Variants in CDH24 observed in about 807,000 individuals in gnomAD.
The protein encoded by CDH24 is cadherin 24.
In CDH24, 61 loss-of-function variants were observed where a neutral mutation model predicts 71.2. The observed-to-expected ratio is 0.86, with a 90% CI of 0.70 to 1.06. The LOEUF (loss-of-function observed/expected upper bound fraction) is 1.06, where lower values mean the gene tolerates loss of function less well. Among genes scored for constraint, CDH24 ranks in the 50% least tolerant of loss-of-function variants. The probability of loss-of-function intolerance (pLI) is 0.00; values close to 1 mark genes in which losing one functional copy is unlikely to be tolerated. For missense variants in CDH24, 961 were observed against 1,083.7 expected (o/e 0.89, Z 1.59); for synonymous variants, 440 against 470.2 (o/e 0.94, Z 0.83).
chr14:23,053,399 T>G, intron 7 of CDH24, 97 bp downstream of exon 7: 1 of 1,342,576 alleles, frequency 7.4e-7, no homozygotes. Context: ...TGCTGGGATA[T>G]GAGTGATTTG....
In CDH24 at chr14:23,048,372, C is replaced by A; in HGVS notation, c.1954G>T (p.Gly652Cys). The A allele has an allele frequency of 1.2e-6, 2 of 1,612,326 alleles. No individual in the cohort carries two copies. Among genetic ancestry groups the A allele is most frequent in the South Asian group, 2.2e-5 (2 of 91,072 alleles). The change falls in exon 12 of 13, where the codon GGC (glycine) becomes TGC (cysteine). Residue 652 changes from glycine to cysteine, a missense_variant. Gly to Cys is a radical substitution (Grantham distance 159). Around this residue, in one of 2 missense-constraint regions of CDH24, gnomAD observed 290 missense variants for 272.8 expected, o/e 1.06. Transcript: ENST00000487137. ...AAGGCCTCGGTGTCCTCCTCGCCGC[C>A]GCCCTCGTCGTCGTAGGTGATGATG... ...ENIITYDDEG[G>C]GEEDTEAFDI... is the part of the protein sequence containing the mutation.
chr14:23,049,481 A>G (rs1594723522), intron 10 of CDH24, 146 bp downstream of exon 10: 6 of 678,892 alleles, frequency 8.8e-6, no homozygotes, highest in South Asian at 5.6e-5. Context: ...CAAAGAGCCA[A>G]CGAATGAGTA....
At position 23,057,200 on chromosome 14, in the gene CDH24, G is replaced by A. The variant is rs1419815079; in HGVS notation, c.-125+203C>T. 6.6e-6 allele frequency among the ~76,000 whole-genome samples: 1 copy of A among 152,058 alleles called. No individual in the cohort carries two copies. Among genetic ancestry groups the A allele is most frequent in the Non-Finnish European group, 1.5e-5 (1 of 67,942 alleles). On this transcript the variant is annotated intron_variant, in intron 1 of 12. Transcript: ENST00000487137. The surrounding 1 kb of genome is among the most constrained non-coding windows in gnomAD (Gnocchi z 5.4). ...GGGATAAGGAAGGCAAACAGGCAGA[G>A]AAGGAAGGGTGAAGAGAAATCGAGA...
At position 23,049,971 on chromosome 14, in the gene CDH24, G is replaced by A. The variant is rs371296538; in HGVS notation, c.1364-28C>T. ...GAAGGCAGAACACCAAAACATACACGCCACACACACACCACACAGTTTACA... is the reference window on the plus strand; with the variant it reads ...GAAGGCAGAACACCAAAACATACACACCACACACACACCACACAGTTTACA... On this transcript the variant is annotated intron_variant, in intron 8 of 12. Transcript: ENST00000487137. 116 of 1,604,302 alleles carry A rather than the reference G, an allele frequency of 7.2e-5. No individual in the cohort carries two copies. The African/African-American group carries it at 1.3e-3, about 18-fold the overall frequency.
At chr14:23,050,059 C>T in intron 8 of CDH24, 116 bp from the exon 9 acceptor site, 6 of 1,383,064 alleles carry the variant, frequency 4.3e-6, no homozygotes, top group Non-Finnish European at 5.9e-6. Flanking sequence ...ACAAGAAACA[C>T]ATGAAATATG....
intron 7 of CDH24, among the ~76,000 whole-genome samples, chr14:23,053,064 G>A (rs2047096668): frequency 6.6e-6 from 1 of 152,190 alleles, no homozygotes; most frequent in South Asian, 2.1e-4. Context: ...GAGGGGGAAA[G>A]AGTGGCTGTT....
Position 23,047,950 on chromosome 14 carries a change from C to CG in CDH24, c.*29_*30insC. On this transcript the variant is annotated 3_prime_UTR_variant, in exon 12 of 13. Transcript: ENST00000487137. ...AGAGGGCCTGTGCCCGCTGCCCCCC[C>CG]CCCGCGGTGGGCCGGGCCAGCCCGG... 1 of 1,290,936 alleles carries CG rather than the reference C, an allele frequency of 7.7e-7. No individual in the cohort carries two copies. The allele number at this position is 1,290,936 out of a possible 1,614,324, so 80.0% of individuals were successfully genotyped here. A position where few individuals can be genotyped will look rare whatever the true frequency, so the allele number is the denominator to read the frequency against.
Position 23,054,698 on chromosome 14 carries a change from G to C in CDH24, c.617-25C>G. 1 of 1,614,002 alleles carries C rather than the reference G, an allele frequency of 6.2e-7. No individual in the cohort carries two copies. Among genetic ancestry groups the C allele is most frequent in the South Asian group, 1.1e-5 (1 of 91,072 alleles). ...CCTAGGGAGAGATGCTGGTCAGAGG[G>C]TGTCTGTCCCCTTGGCTGCCCCACC... On this transcript the variant is annotated intron_variant, in intron 4 of 12. Transcript: ENST00000487137. This position sits in a 1 kb window ranked among gnomAD's most constrained non-coding sequence, Gnocchi z 5.2.
intron 7 of CDH24, 46 bp from the exon 8 acceptor site, chr14:23,052,655 C>T (rs772207238): frequency 1.3e-6 from 2 of 1,592,594 alleles, no homozygotes; most frequent in African/African-American, 2.7e-5. Flanking sequence ...GGCGGGACCA[C>T]AGCTTGTTCC....
intron 10 of CDH24, 54 bp downstream of exon 10, chr14:23,049,573 A>T: frequency 9.3e-7 from 1 of 1,071,856 alleles, no homozygotes; most frequent in Non-Finnish European, 1.4e-6. Flanking sequence ...GGGGTGGAGG[A>T]GGAGGAGAAG....
Position 23,049,724 on chromosome 14 carries a change from G to A in CDH24, c.1500C>T (p.Ile500=). Residue 500 remains isoleucine (I), a synonymous_variant, in exon 10 of 13, where the codon ATC becomes ATT. Transcript: ENST00000487137. ...CAACTTCATCTCTGTCCAGGGCCCG[G>A]ATGACCTGAATCAGCTGGGAGGAAG... The part of the protein sequence containing the change: ...SAAPGQLIQV[I]RALDRDEVGN... The A allele has an allele frequency of 6.2e-7, 1 of 1,612,510 alleles. No individual in the cohort carries two copies. The highest frequency in any genetic ancestry group is 8.5e-7 in the Non-Finnish European group (1 of 1,178,860).
In CDH24 at chr14:23,047,920, C is replaced by G. The variant is rs897154529; in HGVS notation, c.*60G>C. On this transcript the variant is annotated 3_prime_UTR_variant, in exon 12 of 13. Transcript: ENST00000487137. ...CCGCCCGCCTGGACCCCGTGGGGCT[C>G]ACTCAGAGGGCCTGTGCCCGCTGCC... 1 of 1,236,498 alleles carries G rather than the reference C, an allele frequency of 8.1e-7. No individual in the cohort carries two copies. Among genetic ancestry groups the G allele is most frequent in the Middle Eastern group, 3.1e-4 (1 of 3,180 alleles). The allele number at this position is 1,236,498 out of a possible 1,614,324, so 76.6% of individuals were successfully genotyped here. A position where few individuals can be genotyped will look rare whatever the true frequency, so the allele number is the denominator to read the frequency against.
Position 23,047,711 on chromosome 14 carries a change from C to T in CDH24, c.*269G>A, listed in dbSNP as rs2047050765. 6.4e-6 allele frequency: 2 copies of T among 312,516 alleles called. No homozygotes were observed. Among genetic ancestry groups the T allele is most frequent in the East Asian group, 5.1e-5 (1 of 19,588 alleles). 19.4% of individuals were successfully genotyped at this position (312,516 alleles called of 1,614,324 possible). Reference sequence around the variant, plus strand: ...GGAGAGGAATCACAGTGAGAGATCGCAGGGCCAGGGCCAGGGCAGGAAACC... The same window carrying T: ...GGAGAGGAATCACAGTGAGAGATCGTAGGGCCAGGGCCAGGGCAGGAAACC... On this transcript the variant is annotated 3_prime_UTR_variant, in exon 12 of 13. Transcript: ENST00000487137.
chr14:23,048,477 G>A lies in CDH24; in HGVS notation c.1849C>T (p.Leu617=), dbSNP rs2047060137. The A allele has an allele frequency of 1.9e-6, 3 of 1,605,566 alleles. No individual in the cohort carries two copies. The highest frequency in any genetic ancestry group is 1.7e-5 in the Admixed American group (1 of 59,954). The change falls in exon 12 of 13, where the codon CTG becomes TTG. Residue 617 remains leucine, a splice_region_variant and synonymous_variant. Transcript: ENST00000487137. ...CGCAGGGCCACGAAGAGCACCACCA[G>A]GGCTGCGCGAGAGGCGCGCACACAG... ...IITCVGALLA[L]VVLFVALRRQ...
In CDH24 at chr14:23,052,463, G is replaced by A. The variant is rs2047092120; in HGVS notation, c.1363+10C>T. The A allele has an allele frequency of 3.1e-6, 5 of 1,613,262 alleles. No homozygotes were observed. The highest frequency in any genetic ancestry group is 1.7e-5 in the Admixed American group (1 of 59,994). ...GGCTGCTGCCGCCTTGTGGGCCCTG[G>A]AGTCCTCACCGAGCTCTGTAGCCAG... On this transcript the variant is annotated intron_variant, in intron 8 of 12. Transcript: ENST00000487137.
At chr14:23,056,834 T>G (rs2047136437) in intron 1 of CDH24, among the ~76,000 whole-genome samples, 1 of 151,356 alleles carries the variant, frequency 6.6e-6, no homozygotes, top group African/African-American at 2.4e-5. Context: ...TCCTTTCTCC[T>G]AGGGGCGGGG....
At chr14:23,052,268 C>T (rs2047090129) in intron 8 of CDH24, 4 of 739,416 alleles carry the variant, frequency 5.4e-6, no homozygotes, top group East Asian at 2.7e-5. Flanking sequence ...AGGAGGCCCG[C>T]CCTGCCTGGT....
At position 23,055,168 on chromosome 14, in the gene CDH24, G is replaced by A; in HGVS notation, c.387C>T (p.Pro129=). 1 of 1,614,182 alleles carries A rather than the reference G, an allele frequency of 6.2e-7. No homozygotes were observed. Among genetic ancestry groups the A allele is most frequent in the South Asian group, 1.1e-5 (1 of 91,086 alleles). The change falls in exon 3 of 13, where the codon CCC becomes CCT. Residue 129 remains proline (P), a synonymous_variant. Transcript: ENST00000487137. The surrounding 1 kb of genome is among the most constrained non-coding windows in gnomAD (Gnocchi z 4.1). ...TGATGAACTCTGATGGGGGCTCCAG[G>A]GGCCGGTTGGAGGCTCGGTCCACGG... ...AQAVDRASNR[P]LEPPSEFIIK...
Position 23,053,540 on chromosome 14 carries a change from G to T in CDH24, c.1182C>A (p.Gly394=), listed in dbSNP as rs1428987521. The T allele has an allele frequency of 6.2e-7, 1 of 1,604,380 alleles. No individual in the cohort carries two copies. Among genetic ancestry groups the T allele is most frequent in the East Asian group, 2.2e-5 (1 of 44,574 alleles). The part of the protein sequence containing the change: ...PENKAPGTLV[G]QISAADLDSP... ...AGTCCAGGTCAGCCGCGGAGATCTGGCCTACCAGGGTCCCCGGGGCCTTGT... is the reference window on the plus strand; with the variant it reads ...AGTCCAGGTCAGCCGCGGAGATCTGTCCTACCAGGGTCCCCGGGGCCTTGT... Residue 394 remains glycine, a synonymous_variant, in exon 7 of 13, where the codon GGC becomes GGA. Coordinates refer to ENST00000487137, the MANE Select transcript of CDH24 (RefSeq NM_144985.4).
Sources: gnomAD v4.1 joint callset for allele counts (sites outside exome capture counted in the v4.1 genomes callset) on GRCh38, gnomAD v4.1.1 for gene constraint, gnomAD v4.1.1 regional missense constraint, Gnocchi (gnomAD v3.1) non-coding constraint, MANE v1.5 for transcripts, NCBI Gene and HGNC (gene_info 2026-07-23, HGNC 2026-07-21) for gene names.